ZNF679: variants seen among roughly 807,000 people sequenced by gnomAD.
ZNF679 encodes the protein zinc finger protein 679.
A neutral mutation model predicts 13.4 loss-of-function variants in ZNF679; 10 were observed. The observed-to-expected ratio is 0.75, with a 90% CI of 0.46 to 1.27. ZNF679 has a LOEUF of 1.27. Among genes scored for constraint, ZNF679 ranks in the 50% most tolerant of loss-of-function variants. The pLI is 0.00. For missense variants in ZNF679, 525 were observed against 477.8 expected (o/e 1.10, Z -0.92); for synonymous variants, 179 against 162.5 (o/e 1.10, Z -0.77).
At chr7:64,260,752 T>A in intron 3 of ZNF679, 82 bp from the exon 4 acceptor site, 1 of 1,355,008 alleles carries the variant, frequency 7.4e-7, no homozygotes, top group Non-Finnish European at 9.9e-7. Flanking sequence ...TTCTATTATA[T>A]CCTCTTTACT....
At chr7:64,233,340 A>G (rs140181090) in intron 1 of ZNF679, among the ~76,000 whole-genome samples, 1 of 152,098 alleles carries the variant, frequency 6.6e-6, no homozygotes, top group Non-Finnish European at 1.5e-5. Context: ...AAAATTTAAA[A>G]ATTAAGCTGG....
intron 1 of ZNF679, among the ~76,000 whole-genome samples, chr7:64,234,846 C>T (rs1787687290): frequency 6.6e-6 from 1 of 151,944 alleles, no homozygotes; most frequent in African/African-American, 2.4e-5. Flanking sequence ...ATATAATATA[C>T]TTTTTTTTCA....
chr7:64,266,166 A>T lies in ZNF679; in HGVS notation c.533A>T (p.His178Leu), dbSNP rs1399466687. ...FSNSNRHKTR[H>L]TGKKHFKCKK... The stretch of plus-strand genomic sequence containing the variant: ...AATTCCAATAGACATAAGACAAGAC[A>T]TACTGGAAAGAAACATTTCAAATGT... Residue 178 changes from histidine (H) to leucine (L), a missense_variant, in exon 5 of 5, where the codon CAT becomes CTT. His to Leu is a moderately conservative substitution (Grantham distance 99). Coordinates refer to ENST00000421025, the MANE Select transcript of ZNF679 (RefSeq NM_153363.3). The T allele has an allele frequency of 3.7e-6, 6 of 1,600,128 alleles. No individual in the cohort carries two copies. Among genetic ancestry groups the T allele is most frequent in the Middle Eastern group, 3.3e-4 (2 of 6,068 alleles).
At chr7:64,264,216 A>G (rs1482006357) in intron 4 of ZNF679, among the ~76,000 whole-genome samples, 1 of 151,452 alleles carries the variant, frequency 6.6e-6, no homozygotes, top group Admixed American at 6.6e-5. Flanking sequence ...AGATTTCATA[A>G]CACCTCTAAA....
chr7:64,242,210 G>A (rs762839505), intron 1 of ZNF679, among the ~76,000 whole-genome samples: 1 of 152,182 alleles, frequency 6.6e-6, no homozygotes, highest in Non-Finnish European at 1.5e-5. Context: ...CTGAGTGTGA[G>A]ATTCAGGACA....
intron 2 of ZNF679, among the ~76,000 whole-genome samples, chr7:64,249,472 C>T (rs972642934): frequency 1.7e-4 from 26 of 152,164 alleles, no homozygotes; most frequent in African/African-American, 5.8e-4. Flanking sequence ...GGGAGAATCC[C>T]GACTCAGGGT....
intron 2 of ZNF679, among the ~76,000 whole-genome samples, chr7:64,259,853 A>G (rs1378881149): frequency 6.6e-6 from 1 of 151,954 alleles, no homozygotes; most frequent in African/African-American, 2.4e-5. Context: ...GCTTGAACCC[A>G]GGAGGCGTAG....
At chr7:64,245,358 A>T (rs1270946042) in intron 1 of ZNF679, among the ~76,000 whole-genome samples, 1 of 151,700 alleles carries the variant, frequency 6.6e-6, no homozygotes, top group Non-Finnish European at 1.5e-5. Flanking sequence ...AAGTTTCAAC[A>T]TGTGATCTTT....
At chr7:64,256,673 G>T (rs1218454892) in intron 2 of ZNF679, among the ~76,000 whole-genome samples, 5 of 149,294 alleles carry the variant, frequency 3.3e-5, no homozygotes, top group African/African-American at 4.9e-5. Flanking sequence ...TTTTTTCATA[G>T]AATCAACTTC....
At chr7:64,262,383 C>G (rs1788088512) in intron 4 of ZNF679, among the ~76,000 whole-genome samples, 1 of 152,222 alleles carries the variant, frequency 6.6e-6, no homozygotes. Context: ...CATTTGATGG[C>G]ATGTCTAAGA....
At chr7:64,245,942 G>T (rs1787863847) in intron 1 of ZNF679, among the ~76,000 whole-genome samples, 1 of 152,148 alleles carries the variant, frequency 6.6e-6, no homozygotes, top group Non-Finnish European at 1.5e-5. Context: ...GGAGGCAGAG[G>T]TTGCAGTGAG....
chr7:64,265,384 A>G (rs556647629), intron 4 of ZNF679, among the ~76,000 whole-genome samples: 3 of 152,238 alleles, frequency 2.0e-5, no homozygotes, highest in Non-Finnish European at 4.4e-5. Flanking sequence ...CCTATTTTCT[A>G]TCCATGTACT....
intron 2 of ZNF679, among the ~76,000 whole-genome samples, chr7:64,258,069 G>C (rs573605002): frequency 1.2e-3 from 178 of 152,206 alleles, no homozygotes; most frequent in Admixed American, 3.9e-3. Context: ...AGGTCAGTGC[G>C]GTTCGTGCTC....
chr7:64,242,408 T>C (rs1052278548), intron 1 of ZNF679, among the ~76,000 whole-genome samples: 1 of 152,156 alleles, frequency 6.6e-6, no homozygotes, highest in Non-Finnish European at 1.5e-5. Context: ...TTTGTTACAA[T>C]CCCAAATGTA....
At chr7:64,247,869 T>A (rs950318256) in intron 1 of ZNF679, among the ~76,000 whole-genome samples, 1 of 151,864 alleles carries the variant, frequency 6.6e-6, no homozygotes, top group Non-Finnish European at 1.5e-5. Flanking sequence ...TTTTTTTTTT[T>A]ACTTTTTAAT....
intron 1 of ZNF679, among the ~76,000 whole-genome samples, chr7:64,230,353 G>A (rs1481350663): frequency 1.3e-5 from 2 of 151,776 alleles, no homozygotes; most frequent in Non-Finnish European, 2.9e-5. Context: ...CTAACAAGGT[G>A]AAACCCCGTC....
intron 3 of ZNF679, 129 bp from the exon 4 acceptor site, chr7:64,260,705 A>T: frequency 9.3e-7 from 1 of 1,071,838 alleles, no homozygotes; most frequent in Non-Finnish European, 1.3e-6. Context: ...AATAGTTAAA[A>T]AGTTCTGTTA....
intron 1 of ZNF679, among the ~76,000 whole-genome samples, chr7:64,237,353 G>A (rs1787740900): frequency 6.6e-6 from 1 of 152,214 alleles, no homozygotes; most frequent in Non-Finnish European, 1.5e-5. Context: ...GCATGGGTGT[G>A]AGTGTGCAGG....
intron 2 of ZNF679, among the ~76,000 whole-genome samples, chr7:64,252,170 C>A (rs1222739308): frequency 6.6e-6 from 1 of 152,172 alleles, no homozygotes; most frequent in East Asian, 1.9e-4. Flanking sequence ...TTTCAGTGAG[C>A]AGGATGCACG....
Sources: gnomAD v4.1 joint callset for allele counts (sites outside exome capture counted in the v4.1 genomes callset) on GRCh38, gnomAD v4.1.1 for gene constraint, MANE v1.5 for transcripts, NCBI Gene and HGNC (gene_info 2026-07-23, HGNC 2026-07-21) for gene names.